Variants in SRPRB observed in about 807,000 individuals in gnomAD.
SRPRB encodes the protein signal recognition particle receptor subunit beta.
SRPRB carries 20 observed loss-of-function variants against 31.9 expected under a neutral mutation model. The ratio of observed to expected loss-of-function variants is 0.63; its 90% CI spans 0.44 to 0.91. SRPRB has a LOEUF of 0.91. SRPRB is among the 40% of genes least tolerant of loss of function. The pLI is 0.00. For missense variants in SRPRB, 321 were observed against 324.9 expected (o/e 0.99, Z 0.09); for synonymous variants, 146 against 132.8 (o/e 1.10, Z -0.68).
chr3:133,821,711 G>C (rs1935478455), downstream of SRPRB, among the ~76,000 whole-genome samples: 1 of 152,170 alleles, frequency 6.6e-6, no homozygotes, highest in Non-Finnish European at 1.5e-5. Context: ...ACTGATTTGA[G>C]GACCCTACTC....
downstream of SRPRB, chr3:133,828,504 A>G: frequency 2.1e-6 from 1 of 474,118 alleles, no homozygotes. Context: ...TTGTATACAC[A>G]TGATTTAAAT....
chr3:133,815,784 G>T (rs1935355708), intron 5 of SRPRB, 58 bp downstream of exon 5: 3 of 1,576,972 alleles, frequency 1.9e-6, no homozygotes, highest in Non-Finnish European at 2.6e-6. Context: ...CTGCTACTAA[G>T]AATTATTTCC....
In SRPRB at chr3:133,819,909, C is replaced by A; in HGVS notation, c.*143C>A. 2.7e-6 allele frequency: 2 copies of A among 738,270 alleles called. No individual in the cohort carries two copies. The highest frequency in any genetic ancestry group is 4.3e-6 in the Non-Finnish European group (2 of 468,830). The allele number at this position is 738,270 out of a possible 1,614,324, so 45.7% of individuals were successfully genotyped here. ...TCTGGAAACAAAGTACTGTTGAAAC[C>A]AGCTTGGAATTTTTTTTTTTTTTTT... is the stretch of plus-strand genomic sequence containing the variant. On this transcript the variant is annotated 3_prime_UTR_variant, in exon 7 of 7. Coordinates refer to ENST00000678299, the MANE Select transcript of SRPRB (RefSeq NM_001379313.1).
chr3:133,801,487 A>G (rs927874364), upstream of SRPRB, among the ~76,000 whole-genome samples: 3 of 152,218 alleles, frequency 2.0e-5, no homozygotes, highest in African/African-American at 7.2e-5. Flanking sequence ...TACTGAAGAA[A>G]AAAAGTCTCT....
intron 1 of SRPRB, among the ~76,000 whole-genome samples, chr3:133,799,590 T>G (rs1935032704): frequency 6.6e-6 from 1 of 152,164 alleles, no homozygotes; most frequent in African/African-American, 2.4e-5. Context: ...GAAGATCTAT[T>G]ACCTCAATTA....
At chr3:133,803,056 A>T (rs761632511), upstream of SRPRB, among the ~76,000 whole-genome samples, 4 of 152,144 alleles carry the variant, frequency 2.6e-5, no homozygotes, top group Non-Finnish European at 2.9e-5. Context: ...ACTCTCAGAC[A>T]TCTCTCAAAT....
intron 1 of SRPRB, chr3:133,786,771 G>A (rs1265181900): frequency 1.3e-5 from 2 of 152,230 alleles, no homozygotes; most frequent in African/African-American, 4.8e-5. Context: ...AGTCATAACT[G>A]TTTTTACATG....
chr3:133,800,319 T>C (rs1935042625), intron 1 of SRPRB, among the ~76,000 whole-genome samples: 1 of 152,220 alleles, frequency 6.6e-6, no homozygotes, highest in South Asian at 2.1e-4. Flanking sequence ...AAATGAATGA[T>C]TACATTGTAC....
intron 3 of SRPRB, chr3:133,810,112 G>A (rs1935232616): frequency 6.6e-6 from 1 of 151,944 alleles, no homozygotes; most frequent in Non-Finnish European, 1.5e-5. Context: ...CTTTTGAAAT[G>A]GAGCAGTTAA....
At chr3:133,808,530 C>A (rs1004138568) in intron 3 of SRPRB, among the ~76,000 whole-genome samples, 1 of 152,048 alleles carries the variant, frequency 6.6e-6, no homozygotes, top group Non-Finnish European at 1.5e-5. Context: ...GTTATTATAA[C>A]CTTTGCTTTT....
At chr3:133,789,580 A>C (rs907968502) in intron 1 of SRPRB, 2 of 152,194 alleles carry the variant, frequency 1.3e-5, no homozygotes, top group Non-Finnish European at 2.9e-5. Context: ...ACATGTCTAG[A>C]TGTGTTTATT....
chr3:133,798,348 T>C (rs1385471143), intron 1 of SRPRB, among the ~76,000 whole-genome samples: 2 of 152,220 alleles, frequency 1.3e-5, no homozygotes, highest in Non-Finnish European at 2.9e-5. Context: ...GGCTGTACTA[T>C]AGGAATACAT....
chr3:133,789,861 C>G (rs1484809629), intron 1 of SRPRB: 1 of 114,778 alleles, frequency 8.7e-6, no homozygotes, highest in Non-Finnish European at 1.7e-5. Flanking sequence ...CCAGCCAAAA[C>G]AAAACGATCT....
upstream of SRPRB, among the ~76,000 whole-genome samples, chr3:133,803,240 A>C (rs960228272): frequency 3.3e-5 from 5 of 152,102 alleles, no homozygotes; most frequent in African/African-American, 1.2e-4. Flanking sequence ...TGTCACCCCA[A>C]ATGAAACTTC....
At chr3:133,804,074 C>A (rs1280953584), upstream of SRPRB, among the ~76,000 whole-genome samples, 2 of 105,210 alleles carry the variant, frequency 1.9e-5, no homozygotes, top group South Asian at 3.4e-4. Flanking sequence ...CCAGCCTGGG[C>A]AACAGAGCGA....
intron 1 of SRPRB, 25 bp from the exon 2 acceptor site, chr3:133,806,584 T>C: frequency 6.2e-7 from 1 of 1,600,292 alleles, no homozygotes; most frequent in Non-Finnish European, 8.6e-7. Context: ...GTAATTTTTG[T>C]TGTTTTTCTC....
chr3:133,825,715 G>A (rs764049703), downstream of SRPRB: 9 of 152,184 alleles, frequency 5.9e-5, no homozygotes, highest in African/African-American at 1.2e-4. Context: ...TGCAGAACAG[G>A]AGCTTTGTTG....
downstream of SRPRB, among the ~76,000 whole-genome samples, chr3:133,822,475 G>C (rs1316204382): frequency 6.6e-6 from 1 of 152,174 alleles, no homozygotes; most frequent in Non-Finnish European, 1.5e-5. Flanking sequence ...TCCAGTCCGG[G>C]CCTTGGTAGC....
chr3:133,785,012 C>G (rs1576372079), intron 1 of SRPRB: 1 of 78,660 alleles, frequency 1.3e-5, no homozygotes, highest in African/African-American at 3.5e-5. Context: ...GTCAGCCCCC[C>G]GCCCGGCCAG....
Sources: allele counts gnomAD v4.1 joint callset (sites outside exome capture counted in the v4.1 genomes callset), GRCh38; gene constraint gnomAD v4.1.1; transcripts MANE v1.5; gene names NCBI Gene and HGNC (gene_info 2026-07-23, HGNC 2026-07-21).